Variants in NCKAP5 observed in about 807,000 individuals in gnomAD.
NCKAP5 encodes nck-associated protein 5.
A neutral mutation model predicts 167.0 loss-of-function variants in NCKAP5; 92 were observed. The ratio of observed to expected loss-of-function variants is 0.55; its 90% CI spans 0.47 to 0.66. The LOEUF (loss-of-function observed/expected upper bound fraction) is 0.66, where lower values mean the gene tolerates loss of function less well. Among genes scored for constraint, NCKAP5 ranks in the 30% least tolerant of loss-of-function variants. NCKAP5 has a pLI of 0.00. For missense variants in NCKAP5, 2,378 were observed against 2,315.0 expected, an observed-to-expected ratio of 1.03 and a Z score of -0.56; for synonymous variants, 891 against 877.4, an observed-to-expected ratio of 1.02 and a Z score of -0.27.
At chr2:132,732,359 C>T (rs370391140) in intron 16 of NCKAP5, among the ~76,000 whole-genome samples, 39 of 152,128 alleles carry the variant, frequency 2.6e-4, no homozygotes, top group African/African-American at 9.4e-4. Context: ...GGGTGTAGCA[C>T]ACCAACATGG....
intron 6 of NCKAP5, among the ~76,000 whole-genome samples, chr2:132,998,641 C>T (rs1413203562): frequency 6.6e-6 from 1 of 152,084 alleles, no homozygotes; most frequent in African/African-American, 2.4e-5. Context: ...TCTCTATTTT[C>T]CCAAAAATCA....
At chr2:132,860,262 C>A (rs891609728) in intron 11 of NCKAP5, among the ~76,000 whole-genome samples, 11 of 152,310 alleles carry the variant, frequency 7.2e-5, no homozygotes, top group African/African-American at 2.4e-4. Flanking sequence ...TTCTGATTGT[C>A]CCTTTTGCCT....
chr2:133,367,068 A>C, intron 3 of NCKAP5, among the ~76,000 whole-genome samples: 1 of 152,204 alleles, frequency 6.6e-6, no homozygotes, highest in Admixed American at 6.5e-5. Flanking sequence ...ACTTCCACAG[A>C]TTCTTTTTAA....
At chr2:133,387,374 C>T (rs1426878809) in intron 3 of NCKAP5, among the ~76,000 whole-genome samples, 1 of 152,156 alleles carries the variant, frequency 6.6e-6, no homozygotes, top group East Asian at 1.9e-4. Flanking sequence ...AATATTGGCC[C>T]CCACTCTCTT....
chr2:132,846,424 C>T (rs991779742), intron 11 of NCKAP5, among the ~76,000 whole-genome samples: 4 of 152,200 alleles, frequency 2.6e-5, no homozygotes, highest in South Asian at 2.1e-4. Flanking sequence ...TGTGCCTCAG[C>T]TTCCCGAGTA....
intron 19 of NCKAP5, among the ~76,000 whole-genome samples, chr2:132,679,627 T>C (rs1208215887): frequency 6.6e-6 from 1 of 152,078 alleles, no homozygotes; most frequent in Non-Finnish European, 1.5e-5. Flanking sequence ...AATAGGAAGA[T>C]GGTGATCCAG....
intron 8 of NCKAP5, among the ~76,000 whole-genome samples, chr2:132,940,049 T>C (rs1029309695): frequency 1.3e-5 from 2 of 152,116 alleles, no homozygotes; most frequent in Non-Finnish European, 2.9e-5. Context: ...CATCCCAACC[T>C]TACCTTCTGA....
At chr2:133,011,239 T>G (rs2078150630) in intron 6 of NCKAP5, among the ~76,000 whole-genome samples, 1 of 152,226 alleles carries the variant, frequency 6.6e-6, no homozygotes, top group Admixed American at 6.5e-5. Context: ...TGAGAAACTG[T>G]GCAGACCTTT....
At chr2:132,972,847 G>A (rs1404262646) in intron 7 of NCKAP5, among the ~76,000 whole-genome samples, 2 of 148,828 alleles carry the variant, frequency 1.3e-5, no homozygotes, top group Admixed American at 6.7e-5. Flanking sequence ...TAGCAACACA[G>A]TGAGACTCCA....
intron 3 of NCKAP5, among the ~76,000 whole-genome samples, chr2:133,330,751 C>T (rs1236705583): frequency 1.3e-5 from 2 of 151,904 alleles, no homozygotes; most frequent in Admixed American, 6.6e-5. Flanking sequence ...AAAAAATTAG[C>T]CAGTTGTGGT....
At chr2:132,821,104 AG>A (rs1245060084) in intron 11 of NCKAP5, among the ~76,000 whole-genome samples, 1 of 152,208 alleles carries the variant, frequency 6.6e-6, no homozygotes, top group Non-Finnish European at 1.5e-5. Context: ...TTTTGCTCCA[AG>A]AACCACCATG....
intron 6 of NCKAP5, among the ~76,000 whole-genome samples, chr2:133,000,175 C>T (rs1222569081): frequency 6.6e-6 from 1 of 152,172 alleles, no homozygotes; most frequent in Non-Finnish European, 1.5e-5. Flanking sequence ...GCTGCTGAAA[C>T]TTGCAAATTG....
At chr2:133,044,799 T>G (rs1296186435) in intron 6 of NCKAP5, among the ~76,000 whole-genome samples, 1 of 152,230 alleles carries the variant, frequency 6.6e-6, no homozygotes, top group Non-Finnish European at 1.5e-5. Context: ...ACCAGGCATG[T>G]TGGCACATGC....
At chr2:133,084,623 A>G (rs1559123137) in intron 6 of NCKAP5, among the ~76,000 whole-genome samples, 1 of 152,170 alleles carries the variant, frequency 6.6e-6, no homozygotes, top group Non-Finnish European at 1.5e-5. Flanking sequence ...TCGAAATGGT[A>G]TAAGCTTCTG....
chr2:133,152,029 CTT>C, intron 5 of NCKAP5, among the ~76,000 whole-genome samples: 1 of 152,106 alleles, frequency 6.6e-6, no homozygotes, highest in Non-Finnish European at 1.5e-5. Context: ...TCAAGATGTT[CTT>C]CATTAGATAT....
rs941136914 is a variant in NCKAP5 at position 132,727,499 on chromosome 2, C to T, written c.5580+1317G>A. On this transcript the variant is annotated intron_variant, in intron 18 of 19. Coordinates refer to ENST00000409261, the MANE Select transcript of NCKAP5 (RefSeq NM_207363.3). ...TGTTAGAAATGTGTACACCTTACTCCGTATATGCCAAATCAGACACAAGTC... is the reference window on the plus strand; with the variant it reads ...TGTTAGAAATGTGTACACCTTACTCTGTATATGCCAAATCAGACACAAGTC... Among the ~76,000 whole-genome samples, 12 of 152,186 alleles carry T rather than the reference C, an allele frequency of 7.9e-5. No homozygotes were observed. In the East Asian group the frequency reaches 2.1e-3, roughly 27 times the overall value.
At chr2:133,302,667 A>G (rs1285163534) in intron 4 of NCKAP5, among the ~76,000 whole-genome samples, 2 of 140,250 alleles carry the variant, frequency 1.4e-5, no homozygotes, top group Non-Finnish European at 3.1e-5. Flanking sequence ...GCATTGGGAG[A>G]TATACCTAAT....
chr2:132,766,036 C>A (rs767126418), intron 16 of NCKAP5, among the ~76,000 whole-genome samples: 1 of 152,006 alleles, frequency 6.6e-6, no homozygotes, highest in South Asian at 2.1e-4. Flanking sequence ...AATCCCGGCA[C>A]TTTGGGAGGC....
intron 6 of NCKAP5, among the ~76,000 whole-genome samples, chr2:133,026,911 A>G (rs2078717223): frequency 6.6e-6 from 1 of 152,146 alleles, no homozygotes; most frequent in African/African-American, 2.4e-5. Flanking sequence ...ATGCAACTCA[A>G]TGCTAGCCTG....
Sources: gnomAD v4.1 joint callset for allele counts (sites outside exome capture counted in the v4.1 genomes callset) on GRCh38, gnomAD v4.1.1 for gene constraint, MANE v1.5 for transcripts, NCBI Gene and HGNC (gene_info 2026-07-23, HGNC 2026-07-21) for gene names.